The following BICDL1 variants were observed in gnomAD, a reference collection of about 807,000 sequenced individuals.
BICDL1 encodes BICD family like cargo adaptor 1, also known as BICD family-like cargo adapter 1.
In BICDL1, 20 loss-of-function variants were observed where a neutral mutation model predicts 76.8. That is an observed-to-expected ratio of 0.26 (90% CI 0.18 to 0.38). The LOEUF (loss-of-function observed/expected upper bound fraction) is 0.38, where lower values mean the gene tolerates loss of function less well. Ranked by LOEUF, BICDL1 falls within the 10% of genes least tolerant of loss-of-function variation. The probability of loss-of-function intolerance (pLI) is 1.00; values close to 1 mark genes in which losing one functional copy is unlikely to be tolerated. For missense variants in BICDL1, 700 were observed against 798.6 expected, an observed-to-expected ratio of 0.88 and a Z score of 1.49; for synonymous variants, 383 against 337.1, an observed-to-expected ratio of 1.14 and a Z score of -1.49.
In BICDL1 at chr12:120,074,587, G is replaced by A. The variant is rs1374492827; in HGVS notation, c.1452+1G>A. ...AGAGCTGCAGCGACTCCACAGTCAG[G>A]TGAGCACCCCAACCTTCAGTTCAGT... On this transcript the variant is annotated splice_donor_variant, in intron 7 of 9. Coordinates refer to ENST00000548673, the MANE Select transcript of BICDL1 (RefSeq NM_001367886.1). LOFTEE classifies it high-confidence loss of function. The A allele has an allele frequency of 8.2e-7, 1 of 1,218,968 alleles. No individual in the cohort carries two copies. Among genetic ancestry groups the A allele is most frequent in the Non-Finnish European group, 1.0e-6 (1 of 954,250 alleles). 75.5% of individuals were successfully genotyped at this position (1,218,968 alleles called of 1,614,324 possible).
chr12:120,005,565 G>A (rs1217458471), intron 2 of BICDL1, among the ~76,000 whole-genome samples: 4 of 152,068 alleles, frequency 2.6e-5, no homozygotes, highest in Non-Finnish European at 4.4e-5. Flanking sequence ...GTAGAGATGC[G>A]GTTTTGCCAT....
Position 120,028,250 on chromosome 12 carries a change from C to T in BICDL1, c.645+29514C>T, listed in dbSNP as rs1217467178. On this transcript the variant is annotated intron_variant, in intron 2 of 9. Coordinates refer to ENST00000548673, the MANE Select transcript of BICDL1 (RefSeq NM_001367886.1). ...AGATCTTCTCCAAGTTTCATTTTTA[C>T]TCGAGTTTTAATTAATAAGAAAATA... Among the ~76,000 whole-genome samples, 4 of 152,058 alleles carry T rather than the reference C, an allele frequency of 2.6e-5. No individual in the cohort carries two copies. In the East Asian group the frequency reaches 7.7e-4, roughly 29 times the overall value.
At chr12:120,062,972 G>A (rs910177255) in intron 3 of BICDL1, among the ~76,000 whole-genome samples, 1 of 152,186 alleles carries the variant, frequency 6.6e-6, no homozygotes, top group African/African-American at 2.4e-5. Context: ...GTTTCAGGGT[G>A]TATAGCGCTG....
chr12:120,036,124 C>T (rs546500549), intron 2 of BICDL1, among the ~76,000 whole-genome samples: 2 of 152,296 alleles, frequency 1.3e-5, no homozygotes, highest in Admixed American at 1.3e-4. Flanking sequence ...TAGCTATTAA[C>T]AAATAATGCT....
At chr12:120,057,893 C>G (rs541617092) in intron 2 of BICDL1, among the ~76,000 whole-genome samples, 1 of 139,120 alleles carries the variant, frequency 7.2e-6, no homozygotes, top group Admixed American at 8.0e-5. Context: ...TGCAGTGGCG[C>G]GATCTCGGCA....
At chr12:120,073,298 T>G (rs937765392) in intron 6 of BICDL1, among the ~76,000 whole-genome samples, 7 of 152,232 alleles carry the variant, frequency 4.6e-5, no homozygotes, top group Non-Finnish European at 1.0e-4. Flanking sequence ...CAGGTAGTGA[T>G]GTACAGACAA....
chr12:119,990,285 A>C lies in BICDL1; in HGVS notation c.417A>C (p.Thr139=). ...RQYEQMHKEL[T]DKLEHLEQEK... Reference sequence around the variant, plus strand: ...ACGAGCAGATGCATAAGGAGCTGACAGACAAGCTCGAGGTGAGGACCTCCC... The same window carrying C: ...ACGAGCAGATGCATAAGGAGCTGACCGACAAGCTCGAGGTGAGGACCTCCC... The change falls in exon 1 of 10, where the codon ACA becomes ACC. Residue 139 remains threonine (T), a synonymous_variant. Transcript: ENST00000548673. The C allele has an allele frequency of 1.9e-6, 3 of 1,567,060 alleles. 1 individual carries two copies. Among genetic ancestry groups the C allele is most frequent in the South Asian group, 2.4e-5 (2 of 84,918 alleles).
At chr12:120,014,607 G>A (rs776033509) in intron 2 of BICDL1, among the ~76,000 whole-genome samples, 9 of 151,608 alleles carry the variant, frequency 5.9e-5, no homozygotes, top group East Asian at 1.9e-4. Flanking sequence ...CAAGAGAATC[G>A]CTTGAACCCA....
At chr12:120,021,294 A>T (rs74688220) in intron 2 of BICDL1, among the ~76,000 whole-genome samples, 2 of 149,928 alleles carry the variant, frequency 1.3e-5, no homozygotes, top group East Asian at 3.9e-4. Context: ...AAAAAAAAAA[A>T]GGAGAGAATA....
chr12:120,084,967 A>G (rs1042333307), intron 8 of BICDL1, among the ~76,000 whole-genome samples: 2 of 150,538 alleles, frequency 1.3e-5, no homozygotes, highest in Admixed American at 6.6e-5. Context: ...GTTCTCTTTC[A>G]TCATTTTCAT....
intron 5 of BICDL1, 52 bp from the exon 6 acceptor site, chr12:120,072,459 G>A (rs1206277299): frequency 1.3e-6 from 2 of 1,546,752 alleles, no homozygotes; most frequent in Admixed American, 1.7e-5. Flanking sequence ...AAGATGGCCA[G>A]GTAGCAGTCT....
At chr12:120,030,053 G>C (rs888037199) in intron 2 of BICDL1, among the ~76,000 whole-genome samples, 2 of 152,064 alleles carry the variant, frequency 1.3e-5, no homozygotes, top group African/African-American at 4.8e-5. Context: ...TATATTCAGC[G>C]TACAACATGA....
chr12:120,090,753 G>T lies in BICDL1; in HGVS notation c.1704+682G>T, dbSNP rs536395645. The T allele has an allele frequency of 6.4e-4, 326 of 509,608 alleles. 2 individuals carry two copies. Among genetic ancestry groups the T allele is most frequent in the South Asian group, 5.3e-3 (313 of 58,994 alleles). 31.6% of individuals were successfully genotyped at this position (509,608 alleles called of 1,614,324 possible). A position where few individuals can be genotyped will look rare whatever the true frequency, so the allele number is the denominator to read the frequency against. ...AAGGTAAGCCCCCCGTGGAGGGCAG[G>T]TTGTTGGTGACCATTCCTCCCAGGG... On this transcript the variant is annotated intron_variant, in intron 9 of 9. Transcript: ENST00000548673.
At position 119,989,950 on chromosome 12, in the gene BICDL1, G is replaced by T. The variant is rs1419224476; in HGVS notation, c.82G>T (p.Ala28Ser). The change falls in exon 1 of 10, where the codon GCC becomes TCC. Residue 28 changes from alanine (A) to serine (S), a missense_variant. Ala to Ser is a moderately conservative substitution (Grantham distance 99). Transcript: ENST00000548673. ...PDSACCMELP[A>S]AAGDAVRSPA... is the part of the protein sequence containing the mutation. ...CAGCGCCTGCTGCATGGAGCTGCCC[G>T]CCGCGGCCGGGGACGCAGTCCGGAG... 1 of 1,464,358 alleles carries T rather than the reference G, an allele frequency of 6.8e-7. No homozygotes were observed. The highest frequency in any genetic ancestry group is 2.7e-5 in the East Asian group (1 of 36,692). 90.7% of individuals were successfully genotyped at this position (1,464,358 alleles called of 1,614,324 possible).
intron 2 of BICDL1, among the ~76,000 whole-genome samples, chr12:120,031,541 TA>T: frequency 6.6e-6 from 1 of 152,330 alleles, no homozygotes; most frequent in Non-Finnish European, 1.5e-5. Context: ...CACTTCATTT[TA>T]TTTTTTTATC....
At position 120,085,499 on chromosome 12, in the gene BICDL1, T is replaced by C. The variant is rs567872166; in HGVS notation, c.1584-4452T>C. 2.6e-5 allele frequency among the ~76,000 whole-genome samples: 4 copies of C among 152,300 alleles called. No homozygotes were observed. The South Asian group carries it at 8.3e-4, about 32-fold the overall frequency. ...TAAAATGGTAAAATGAAGATGCTTA[T>C]CGTGGAAGTCCACTAGAAATCAAAA... On this transcript the variant is annotated intron_variant, in intron 8 of 9. Coordinates refer to ENST00000548673, the MANE Select transcript of BICDL1 (RefSeq NM_001367886.1).
chr12:120,092,586 T>C (rs1875070396), intron 9 of BICDL1: 1 of 985,430 alleles, frequency 1.0e-6, no homozygotes, highest in Non-Finnish European at 1.2e-6. Context: ...GAGGTGGCCC[T>C]AGGGCCTGCC....
chr12:119,989,758 G>A lies in BICDL1; in HGVS notation c.-111G>A. The A allele has an allele frequency of 2.9e-6, 1 of 344,960 alleles. No homozygotes were observed. The highest frequency in any genetic ancestry group is 4.0e-6 in the Non-Finnish European group (1 of 248,496). The allele number at this position is 344,960 out of a possible 1,614,324, so 21.4% of individuals were successfully genotyped here. ...TCGCGGGGACCCGGGGGCGCGTGCC[G>A]CGGCGCGAGGCGAGGCGCGGGACGC... is the stretch of plus-strand genomic sequence containing the variant. On this transcript the variant is annotated 5_prime_UTR_variant, in exon 1 of 10. Coordinates refer to ENST00000548673, the MANE Select transcript of BICDL1 (RefSeq NM_001367886.1).
intron 2 of BICDL1, among the ~76,000 whole-genome samples, 173 bp downstream of exon 2, chr12:119,998,909 T>C (rs1951704869): frequency 6.6e-6 from 1 of 151,860 alleles, no homozygotes; most frequent in Non-Finnish European, 1.5e-5. Flanking sequence ...TTTTAAAAAT[T>C]AGCCAGGCAT....
Sources: gnomAD v4.1 joint callset for allele counts (sites outside exome capture counted in the v4.1 genomes callset) on GRCh38, gnomAD v4.1.1 for gene constraint, MANE v1.5 for transcripts, NCBI Gene and HGNC (gene_info 2026-07-23, HGNC 2026-07-21) for gene names.